The following PCDHA3 variants were observed in gnomAD, a reference collection of about 807,000 sequenced individuals.
PCDHA3 encodes protocadherin alpha-3.
Under a neutral mutation model 62.2 loss-of-function variants are expected in PCDHA3, and 41 were observed. That is an observed-to-expected ratio of 0.66 (90% CI 0.51 to 0.86). The LOEUF (loss-of-function observed/expected upper bound fraction) is 0.86, where lower values mean the gene tolerates loss of function less well. Among genes scored for constraint, PCDHA3 ranks in the 40% least tolerant of loss-of-function variants. PCDHA3 has a pLI of 0.00. For missense variants in PCDHA3, 1,304 were observed against 1,241.2 expected (o/e 1.05, Z -0.76); for synonymous variants, 640 against 555.4 (o/e 1.15, Z -2.14).
In PCDHA3 at chr5:140,917,874, C is replaced by A. The variant is rs1240832097; in HGVS notation, c.2395-61075C>A. Among the ~76,000 whole-genome samples, 13 of 151,108 alleles carry A rather than the reference C, an allele frequency of 8.6e-5. No individual in the cohort carries two copies. In the East Asian group the frequency reaches 2.5e-3, roughly 29 times the overall value. ...CTTAGGATTGCTTTGACTATTTGGG[C>A]TCTTTTTTTTTTCCATATGAATGTT... On this transcript the variant is annotated intron_variant, in intron 1 of 3. Transcript: ENST00000522353.
Position 140,927,496 on chromosome 5 carries a change from G to C in PCDHA3, c.2395-51453G>C, listed in dbSNP as rs1206944698. On this transcript the variant is annotated intron_variant, in intron 1 of 3. Transcript: ENST00000522353. ...CGAACAGCGCGCCACCCACCTGCTG[G>C]TGCTTACAGCTCGGGACGGCGGGCT... The C allele has an allele frequency of 3.7e-6, 6 of 1,614,026 alleles. No homozygotes were observed. The highest frequency in any genetic ancestry group is 5.1e-6 in the Non-Finnish European group (6 of 1,180,054).
At chr5:140,850,206 A>T in intron 1 of PCDHA3, 1 of 1,592,626 alleles carries the variant, frequency 6.3e-7, no homozygotes, top group South Asian at 1.1e-5. Flanking sequence ...ACCTCGGATG[A>T]GGGGCACTGA....
rs115903226 is a variant in PCDHA3 at position 140,929,361 on chromosome 5, C to A, written c.2395-49588C>A. 4,899 of 1,519,562 alleles carry A rather than the reference C, an allele frequency of 3.2e-3. 25 individuals carry two copies. The highest frequency in any genetic ancestry group is 0.019 in the African/African-American group (1,394 of 71,916). 94.1% of individuals were successfully genotyped at this position (1,519,562 alleles called of 1,614,324 possible). On this transcript the variant is annotated intron_variant, in intron 1 of 3. Coordinates refer to ENST00000522353, the MANE Select transcript of PCDHA3 (RefSeq NM_018906.3). ...TTTATGGAATTTGATTCCTTTGGCC[C>A]GGAGATGGCTGCTAGCTGTGTTTTG...
intron 1 of PCDHA3, among the ~76,000 whole-genome samples, chr5:140,838,693 C>T (rs2150291585): frequency 7.9e-5 from 12 of 151,860 alleles, no homozygotes; most frequent in East Asian, 7.7e-4. Flanking sequence ...CCCAACATTT[C>T]GGGAGGCCGA....
At chr5:140,869,868 T>A (rs782375084) in intron 1 of PCDHA3, 2 of 1,610,492 alleles carry the variant, frequency 1.2e-6, no homozygotes, top group African/African-American at 2.7e-5. Context: ...TGGAAAATGC[T>A]GCTAAAGAAA....
At chr5:140,846,373 CTTTT>C (rs374699051) in intron 1 of PCDHA3, among the ~76,000 whole-genome samples, 1 of 55,152 alleles carries the variant, frequency 1.8e-5, no homozygotes, top group Admixed American at 2.3e-4. Flanking sequence ...TTCTTTCTTT[CTTTT>C]TTTTTTTTTT....
Position 140,803,088 on chromosome 5 carries a change from A to T in PCDHA3, c.1891A>T (p.Ile631Phe). Residue 631 changes from isoleucine (I) to phenylalanine (F), a missense_variant, in exon 1 of 4, where the codon ATC becomes TTC. Transcript: ENST00000522353. ...PFRVGLYTGE[I>F]STTRALDEVD... ...TCGCGTGGGGCTGTACACGGGAGAGATCAGCACGACCCGTGCCCTGGACGA... is the reference window on the plus strand; with the variant it reads ...TCGCGTGGGGCTGTACACGGGAGAGTTCAGCACGACCCGTGCCCTGGACGA... 1 of 1,613,866 alleles carries T rather than the reference A, an allele frequency of 6.2e-7. No homozygotes were observed. Among genetic ancestry groups the T allele is most frequent in the Non-Finnish European group, 8.5e-7 (1 of 1,179,946 alleles).
In PCDHA3 at chr5:140,801,677, A is replaced by C. The variant is rs1244967263; in HGVS notation, c.480A>C (p.Ala160=). Residue 160 remains alanine, a synonymous_variant, in exon 1 of 4, where the codon GCA becomes GCC. Coordinates refer to ENST00000522353, the MANE Select transcript of PCDHA3 (RefSeq NM_018906.3). ...SRFSLEGASD[A]DIGTNSLLTY... ...TTTCGCTAGAGGGCGCATCAGATGC[A>C]GATATCGGAACAAATTCGTTGTTGA... 4.3e-6 allele frequency: 7 copies of C among 1,614,108 alleles called. No homozygotes were observed. In the African/African-American group the frequency reaches 6.7e-5, roughly 15 times the overall value.
intron 2 of PCDHA3, among the ~76,000 whole-genome samples, chr5:140,979,343 AATT>A (rs1482354475): frequency 8.6e-5 from 13 of 152,024 alleles, no homozygotes; most frequent in African/African-American, 3.1e-4. Flanking sequence ...TAAAAACTGT[AATT>A]AATACTCATG....
chr5:140,934,941 T>C (rs1397192075), intron 1 of PCDHA3, among the ~76,000 whole-genome samples: 4 of 152,172 alleles, frequency 2.6e-5, no homozygotes, highest in African/African-American at 9.6e-5. Context: ...AAAACTAGTA[T>C]AGAGAGATCC....
intron 1 of PCDHA3, among the ~76,000 whole-genome samples, chr5:140,899,650 T>C (rs1174353279): frequency 5.3e-5 from 8 of 152,192 alleles, no homozygotes; most frequent in African/African-American, 1.7e-4. Flanking sequence ...TCTTATTTGG[T>C]TGTGTCTCTG....
intron 1 of PCDHA3, chr5:140,863,447 G>A: frequency 1.7e-6 from 1 of 575,684 alleles, no homozygotes; most frequent in Non-Finnish European, 3.3e-6. Flanking sequence ...CTTACTCGCA[G>A]CAAAGGAGAT....
chr5:140,978,778 T>C, intron 1 of PCDHA3, 171 bp from the exon 2 acceptor site: 1 of 968,888 alleles, frequency 1.0e-6, no homozygotes, highest in Non-Finnish European at 1.2e-6. Context: ...CTAATTTTCT[T>C]CTAAAGTGCT....
At position 140,801,389 on chromosome 5, in the gene PCDHA3, C is replaced by G. The variant is rs1554121466; in HGVS notation, c.192C>G (p.Phe64Leu). ...LELAELVPRL[F>L]RVASKRHGDL... ...TGGCGGAGCTGGTGCCGCGCCTGTTCCGGGTGGCGTCCAAAAGACACGGGG... is the reference window on the plus strand; with the variant it reads ...TGGCGGAGCTGGTGCCGCGCCTGTTGCGGGTGGCGTCCAAAAGACACGGGG... Residue 64 changes from phenylalanine (F) to leucine (L), a missense_variant, in exon 1 of 4, where the codon TTC becomes TTG. Physicochemically the swap from Phe to Leu is conservative, Grantham distance 22. Transcript: ENST00000522353. 1 of 1,613,606 alleles carries G rather than the reference C, an allele frequency of 6.2e-7. No individual in the cohort carries two copies. Among genetic ancestry groups the G allele is most frequent in the South Asian group, 1.1e-5 (1 of 91,042 alleles).
In PCDHA3 at chr5:140,829,871, G is replaced by A. The variant is rs1770641625; in HGVS notation, c.2394+26280G>A. 6.2e-7 allele frequency: 1 copy of A among 1,613,844 alleles called. No homozygotes were observed. Among genetic ancestry groups the A allele is most frequent in the Non-Finnish European group, 8.5e-7 (1 of 1,179,892 alleles). ...GGGTGCAGGCCAAGTGGTGGCGAAG[G>A]TGCGCGCAGTTGACGCCGACTCAGG... On this transcript the variant is annotated intron_variant, in intron 1 of 3. Transcript: ENST00000522353.
At chr5:140,970,854 T>TG (rs1554232785) in intron 1 of PCDHA3, among the ~76,000 whole-genome samples, 1 of 152,148 alleles carries the variant, frequency 6.6e-6, no homozygotes, top group Non-Finnish European at 1.5e-5. Context: ...GCACAAAAGT[T>TG]CCATTCCTGA....
chr5:140,928,701 G>T, intron 1 of PCDHA3: 1 of 1,614,132 alleles, frequency 6.2e-7, no homozygotes, highest in Non-Finnish European at 8.5e-7. Context: ...TCTCCCGGGC[G>T]TCTGACTCTA....
rs2150368778 is a variant in PCDHA3 at position 140,844,097 on chromosome 5, C to T, written c.2394+40506C>T. ...CTTAGGCACTGAACTCTTAATCTTA[C>T]TCCATATGCTGTACTTTGAAATGCA... On this transcript the variant is annotated intron_variant, in intron 1 of 3. Coordinates refer to ENST00000522353, the MANE Select transcript of PCDHA3 (RefSeq NM_018906.3). 8.7e-5 allele frequency among the ~76,000 whole-genome samples: 13 copies of T among 149,676 alleles called. No individual in the cohort carries two copies. In the East Asian group the frequency reaches 1.9e-3, roughly 22 times the overall value.
intron 1 of PCDHA3, among the ~76,000 whole-genome samples, chr5:140,844,656 C>T (rs1473422243): frequency 6.7e-6 from 1 of 149,316 alleles, no homozygotes; most frequent in African/African-American, 2.5e-5. Flanking sequence ...TTCTTGCAAA[C>T]CAAACATATA....
Sources: gnomAD v4.1 joint callset for allele counts (sites outside exome capture counted in the v4.1 genomes callset) on GRCh38, gnomAD v4.1.1 for gene constraint, MANE v1.5 for transcripts, NCBI Gene and HGNC (gene_info 2026-07-23, HGNC 2026-07-21) for gene names.